The following CTNNA2 variants were observed in gnomAD, a reference collection of about 807,000 sequenced individuals.
CTNNA2 encodes catenin alpha-2.
CTNNA2 carries 42 observed loss-of-function variants against 101.0 expected under a neutral mutation model. That is an observed-to-expected ratio of 0.42 (90% confidence interval 0.32 to 0.54). The LOEUF is 0.54. CTNNA2 is among the 20% of genes least tolerant of loss of function. The probability of loss-of-function intolerance (pLI) is 0.14; values close to 1 mark genes in which losing one functional copy is unlikely to be tolerated. For synonymous variants in CTNNA2, 450 were observed against 456.4 expected, an observed-to-expected ratio of 0.99 and a Z score of 0.18; for missense variants, 871 against 1,223.1, an observed-to-expected ratio of 0.71 and a Z score of 4.29.
intron 7 of CTNNA2, among the ~76,000 whole-genome samples, chr2:80,176,595 T>G (rs922485527): frequency 2.6e-5 from 4 of 152,192 alleles, no homozygotes; most frequent in Admixed American, 6.5e-5. Context: ...TTCATTCCTG[T>G]AGGGTCTATG....
chr2:80,402,437 A>G (rs1452387403), intron 8 of CTNNA2, among the ~76,000 whole-genome samples: 1 of 152,120 alleles, frequency 6.6e-6, no homozygotes, highest in Non-Finnish European at 1.5e-5. Context: ...CCTTCTAATC[A>G]CATGGTTGGT....
chr2:80,615,435 C>T (rs192377767), intron 17 of CTNNA2, among the ~76,000 whole-genome samples: 1 of 151,600 alleles, frequency 6.6e-6, no homozygotes, highest in African/African-American at 2.4e-5. Flanking sequence ...TATATTTTGA[C>T]TGAGTTGGGA....
At chr2:79,646,062 C>T (rs1385131726) in intron 1 of CTNNA2, among the ~76,000 whole-genome samples, 1 of 152,048 alleles carries the variant, frequency 6.6e-6, no homozygotes, top group Non-Finnish European at 1.5e-5. Flanking sequence ...TTGGGTGGTC[C>T]CCTTGGCAAC....
chr2:80,075,696 A>G (rs1698682438), intron 7 of CTNNA2, among the ~76,000 whole-genome samples: 1 of 86,796 alleles, frequency 1.2e-5, no homozygotes. Flanking sequence ...TAATATTTAT[A>G]CTTGTATAAA....
At position 79,453,645 on chromosome 2, in the gene CTNNA2, A is replaced by G. The variant is rs114544777; in HGVS notation, c.-134-51409A>G. On this transcript the variant is annotated intron_variant, in intron 4 of 21. Coordinates refer to the CTNNA2 transcript ENST00000466387. ...TAGATGTGGCCAGCCAGTACTTTGCAGGACAAACAGTATATATATATTTTT... is the reference window on the plus strand; with the variant it reads ...TAGATGTGGCCAGCCAGTACTTTGCGGGACAAACAGTATATATATATTTTT... Among the ~76,000 whole-genome samples, 746 of 152,288 alleles carry G rather than the reference A, an allele frequency of 4.9e-3. 7 individuals carry two copies. The highest frequency in any genetic ancestry group is 0.017 in the African/African-American group (687 of 41,560).
intron 3 of CTNNA2, among the ~76,000 whole-genome samples, chr2:79,822,512 A>G (rs991697922): frequency 1.3e-5 from 2 of 152,146 alleles, no homozygotes; most frequent in African/African-American, 4.8e-5. Context: ...AAATATTGTG[A>G]AGGATACAGG....
At chr2:79,581,012 T>A (rs1467055330) in intron 1 of CTNNA2, among the ~76,000 whole-genome samples, 1 of 152,246 alleles carries the variant, frequency 6.6e-6, no homozygotes, top group Non-Finnish European at 1.5e-5. Flanking sequence ...TTTAGTTGGT[T>A]ACCTTCTTAA....
chr2:80,166,582 A>G (rs780346427), intron 7 of CTNNA2, among the ~76,000 whole-genome samples: 3 of 152,112 alleles, frequency 2.0e-5, no homozygotes, highest in Non-Finnish European at 2.9e-5. Context: ...TTGTATCCTT[A>G]GGTCAATGTT....
rs1674021652 is a variant in CTNNA2 at position 80,277,637 on chromosome 2, C to A, written c.1057-115574C>A. Among the ~76,000 whole-genome samples, 4 of 150,664 alleles carry A rather than the reference C, an allele frequency of 2.7e-5. No individual in the cohort carries two copies. In the South Asian group the frequency reaches 8.6e-4, roughly 32 times the overall value. ...GATCCTAAAAGGAGAAAATAGGGACCTTCTGGTGAGAGGAACAAAATGAGA... is the reference window on the plus strand; with the variant it reads ...GATCCTAAAAGGAGAAAATAGGGACATTCTGGTGAGAGGAACAAAATGAGA... On this transcript the variant is annotated intron_variant, in intron 7 of 18. Transcript: ENST00000402739.
chr2:79,542,018 G>C (rs188639311), intron 1 of CTNNA2, among the ~76,000 whole-genome samples: 3 of 152,116 alleles, frequency 2.0e-5, no homozygotes, highest in Non-Finnish European at 4.4e-5. Flanking sequence ...TCAACTGAGA[G>C]CTTTCTGGCC....
At chr2:79,402,965 A>G (rs1314838089) in intron 4 of CTNNA2, among the ~76,000 whole-genome samples, 2 of 151,912 alleles carry the variant, frequency 1.3e-5, no homozygotes, top group African/African-American at 2.4e-5. Flanking sequence ...CAGCCAAAGC[A>G]GTACTTAGAA....
chr2:79,405,649 T>G (rs2104485021), intron 4 of CTNNA2, among the ~76,000 whole-genome samples: 1 of 152,136 alleles, frequency 6.6e-6, no homozygotes, highest in Non-Finnish European at 1.5e-5. Context: ...TTCCCCATTT[T>G]TCATTGACAC....
At position 79,847,533 on chromosome 2, in the gene CTNNA2, A is replaced by ACT. The variant is rs528212584; in HGVS notation, c.299-10477_299-10476dup. On this transcript the variant is annotated intron_variant, in intron 3 of 18. Transcript: ENST00000402739. ...ACTCCAGCCTGGGTGACAGAGTGAG[A>ACT]CTCTGTCTCAAAAAAAAAAAAAAAA... Among the ~76,000 whole-genome samples, 172 of 99,082 alleles carry ACT rather than the reference A, an allele frequency of 1.7e-3. 1 individual carries two copies. The highest frequency in any genetic ancestry group is 4.7e-3 in the South Asian group (12 of 2,564). 65.0% of individuals were successfully genotyped at this position (99,082 alleles called of 152,430 possible).
intron 7 of CTNNA2, among the ~76,000 whole-genome samples, chr2:79,976,204 ATG>A (rs1197204634): frequency 1.3e-5 from 2 of 152,200 alleles, no homozygotes; most frequent in Non-Finnish European, 2.9e-5. Context: ...ATCTGTGGGC[ATG>A]TGTCTGTAAT....
At chr2:79,782,700 A>G (rs907495117) in intron 3 of CTNNA2, among the ~76,000 whole-genome samples, 2 of 152,180 alleles carry the variant, frequency 1.3e-5, no homozygotes, top group Admixed American at 6.5e-5. Context: ...CGGTCTCTAC[A>G]TAAGAATCAC....
chr2:79,267,588 G>T (rs1198918436), intron 2 of CTNNA2, among the ~76,000 whole-genome samples: 1 of 152,114 alleles, frequency 6.6e-6, no homozygotes, highest in Non-Finnish European at 1.5e-5. Context: ...TAATAGTAAA[G>T]GTAGGCCTTC....
intron 7 of CTNNA2, among the ~76,000 whole-genome samples, chr2:80,055,444 G>T (rs1341965635): frequency 6.6e-6 from 1 of 152,156 alleles, no homozygotes; most frequent in African/African-American, 2.4e-5. Context: ...CATACTAGAA[G>T]TTGAGAGTAG....
chr2:80,272,198 C>A, intron 7 of CTNNA2, among the ~76,000 whole-genome samples: 1 of 152,270 alleles, frequency 6.6e-6, no homozygotes, highest in East Asian at 1.9e-4. Flanking sequence ...TCACTAAATT[C>A]GTTTAAAGAA....
chr2:80,604,629 A>G (rs1697845801), intron 16 of CTNNA2, among the ~76,000 whole-genome samples: 1 of 151,934 alleles, frequency 6.6e-6, no homozygotes, highest in African/African-American at 2.4e-5. Context: ...AAAAATATAT[A>G]TTTATTATTG....
Sources: allele counts gnomAD v4.1 joint callset (sites outside exome capture counted in the v4.1 genomes callset), GRCh38; gene constraint gnomAD v4.1.1; transcripts MANE v1.5; gene names NCBI Gene and HGNC (gene_info 2026-07-23, HGNC 2026-07-21).